GAS7: variants seen among roughly 807,000 people sequenced by gnomAD.
GAS7 encodes growth arrest-specific protein 7.
GAS7 carries 28 observed loss-of-function variants against 71.1 expected under a neutral mutation model. The observed-to-expected ratio is 0.39, with a 90% confidence interval of 0.29 to 0.54. GAS7 has a LOEUF of 0.54. GAS7 is among the 20% of genes least tolerant of loss of function. The probability of loss-of-function intolerance (pLI) is 0.62; values close to 1 mark genes in which losing one functional copy is unlikely to be tolerated. For synonymous variants in GAS7, 258 were observed against 245.8 expected, an observed-to-expected ratio of 1.05 and a Z score of -0.46; for missense variants, 436 against 627.8, an observed-to-expected ratio of 0.69 and a Z score of 3.27.
intron 1 of GAS7, among the ~76,000 whole-genome samples, chr17:10,069,575 AG>A (rs2073318970): frequency 6.6e-6 from 1 of 152,238 alleles, no homozygotes. Flanking sequence ...TATGCCTTAG[AG>A]ACGCAAAGCG....
rs1021632665 is a variant in GAS7, at chr17:10,017,165, T to A, written c.304+2612A>T. 2.4e-4 allele frequency among the ~76,000 whole-genome samples: 34 copies of A among 143,548 alleles called. No homozygotes were observed. The South Asian group carries it at 2.9e-3, about 12-fold the overall frequency. The allele number at this position is 143,548 out of a possible 152,430, so 94.2% of individuals were successfully genotyped here. On this transcript the variant is annotated intron_variant, in intron 2 of 13. Coordinates refer to ENST00000432992, the MANE Select transcript of GAS7 (RefSeq NM_201433.2). ...ATAAATAAATAAATAAATAAATAAA[T>A]AAATAAATAAATAAAGAGAGGAAGG...
At chr17:10,097,808 C>T (rs2073657823) in intron 1 of GAS7, among the ~76,000 whole-genome samples, 1 of 152,070 alleles carries the variant, frequency 6.6e-6, no homozygotes, top group South Asian at 2.1e-4. Context: ...CTTTGGGAGG[C>T]CGAGGCGGGC....
Position 10,138,956 on chromosome 17 carries a change from G to A in GAS7, c.183+59252C>T, listed in dbSNP as rs144328664. On this transcript the variant is annotated intron_variant, in intron 1 of 13. Coordinates refer to ENST00000432992, the MANE Select transcript of GAS7 (RefSeq NM_201433.2). The stretch of plus-strand genomic sequence containing the variant: ...AATGAAAAAAATATATGATCATCTT[G>A]AGAGATGCTGACAAGACATCATTTG... Among the ~76,000 whole-genome samples the A allele has an allele frequency of 1.1e-4, 16 of 152,208 alleles. 1 individual carries two copies. The highest frequency in any genetic ancestry group is 3.1e-4 in the African/African-American group (13 of 41,512).
At chr17:10,013,113 A>G (rs1216288636) in intron 2 of GAS7, among the ~76,000 whole-genome samples, 1 of 151,710 alleles carries the variant, frequency 6.6e-6, no homozygotes, top group East Asian at 1.9e-4. Flanking sequence ...AAAAAAAAAA[A>G]AAAAAAAATT....
intron 1 of GAS7, chr17:10,036,822 C>A (rs2072763150): frequency 2.5e-6 from 2 of 806,700 alleles, no homozygotes; most frequent in South Asian, 8.0e-5. Context: ...GAGGTCACAA[C>A]AAACAATGGC....
chr17:9,942,023 C>T (rs747584560), intron 7 of GAS7, among the ~76,000 whole-genome samples: 5 of 152,130 alleles, frequency 3.3e-5, no homozygotes, highest in Admixed American at 6.5e-5. Context: ...GAGGCTGAGG[C>T]GGGCAGATTA....
chr17:10,031,044 G>A (rs1217150200), intron 1 of GAS7, among the ~76,000 whole-genome samples: 1 of 152,234 alleles, frequency 6.6e-6, no homozygotes, highest in African/African-American at 2.4e-5. Context: ...CACTGTGGCT[G>A]TCACTGGCAC....
At chr17:10,069,449 T>G (rs144983514) in intron 1 of GAS7, among the ~76,000 whole-genome samples, 167 of 152,340 alleles carry the variant, frequency 1.1e-3, no homozygotes, top group African/African-American at 3.5e-3. Context: ...CAGTATTTCA[T>G]GCCAATAAAC....
At position 10,046,735 on chromosome 17, in the gene GAS7, C is replaced by CAA. The variant is rs1178498141; in HGVS notation, c.184-26840_184-26839dup. 6.6e-3 allele frequency among the ~76,000 whole-genome samples: 160 copies of CAA among 24,216 alleles called. 4 individuals carry two copies. Among genetic ancestry groups the CAA allele is most frequent in the African/African-American group, 0.025 (113 of 4,572 alleles). The allele number at this position is 24,216 out of a possible 152,430, so 15.9% of individuals were successfully genotyped here. On this transcript the variant is annotated intron_variant, in intron 1 of 13. Coordinates refer to ENST00000432992, the MANE Select transcript of GAS7 (RefSeq NM_201433.2). ...TGGGTGACAGAGCAAGACTCTGTCT[C>CAA]AAAAAAAAAAAAAGAAAAGAAAAGA...
chr17:10,017,128 CTAAAAAAATAAATAAATAAATAAA>C (rs913049767), intron 2 of GAS7, among the ~76,000 whole-genome samples: 26 of 133,660 alleles, frequency 1.9e-4, no homozygotes, highest in African/African-American at 6.8e-4. Context: ...GAGACCCTGT[CTAAAAAAATAAATAAATAAATAAA>C]TAAATAAATA....
chr17:10,027,721 C>T lies in GAS7; in HGVS notation c.184-7824G>A, dbSNP rs961895971. 3.3e-5 allele frequency among the ~76,000 whole-genome samples: 5 copies of T among 152,214 alleles called. 1 individual carries two copies. The highest frequency in any genetic ancestry group is 1.2e-4 in the African/African-American group (5 of 41,446). ...CACCTTGATCTTGGAACTTCCCAGT[C>T]TCCAGAACTGTGAGGAAGTCCTGTT... is the stretch of plus-strand genomic sequence containing the variant. On this transcript the variant is annotated intron_variant, in intron 1 of 13. Coordinates refer to ENST00000432992, the MANE Select transcript of GAS7 (RefSeq NM_201433.2).
chr17:9,951,714 G>A (rs1370969123), intron 5 of GAS7, among the ~76,000 whole-genome samples: 3 of 129,394 alleles, frequency 2.3e-5, no homozygotes, highest in Admixed American at 2.0e-4. Flanking sequence ...CCAAGATTGC[G>A]CCATTGCATC....
intron 1 of GAS7, among the ~76,000 whole-genome samples, chr17:10,120,911 C>T (rs900722082): frequency 4.3e-4 from 65 of 152,200 alleles, no homozygotes; most frequent in African/African-American, 1.5e-3. Flanking sequence ...TCACCATTTC[C>T]TTCCTTCACA....
intron 1 of GAS7, among the ~76,000 whole-genome samples, chr17:10,036,265 G>A (rs2072748702): frequency 1.3e-5 from 2 of 150,892 alleles, no homozygotes; most frequent in Non-Finnish European, 2.9e-5. Flanking sequence ...TTGGATCTGT[G>A]AAAGGTGCCC....
intron 10 of GAS7, 142 bp from the exon 11 acceptor site, chr17:9,925,741 A>G (rs746944776): frequency 8.0e-5 from 68 of 852,910 alleles, no homozygotes; most frequent in Non-Finnish European, 1.2e-4. Context: ...GAGGCCCAGC[A>G]GCCAGAGTGG....
At chr17:10,050,287 G>A (rs1351244628) in intron 1 of GAS7, among the ~76,000 whole-genome samples, 2 of 152,010 alleles carry the variant, frequency 1.3e-5, no homozygotes, top group African/African-American at 2.4e-5. Context: ...GGTGGGGTGG[G>A]GGGGCTTTAT....
At chr17:10,167,411 C>T (rs1419280199) in intron 1 of GAS7, among the ~76,000 whole-genome samples, 1 of 152,084 alleles carries the variant, frequency 6.6e-6, no homozygotes, top group East Asian at 1.9e-4. Flanking sequence ...TTTCTCATAG[C>T]TAGAGTAGGA....
intron 1 of GAS7, among the ~76,000 whole-genome samples, chr17:10,172,429 C>A (rs955163891): frequency 1.3e-5 from 2 of 152,066 alleles, no homozygotes; most frequent in Non-Finnish European, 2.9e-5. Flanking sequence ...TCAACTTTGC[C>A]CCCAGGCCAG....
At chr17:10,132,933 C>T (rs1402870021) in intron 1 of GAS7, among the ~76,000 whole-genome samples, 4 of 151,908 alleles carry the variant, frequency 2.6e-5, no homozygotes, top group African/African-American at 9.7e-5. Context: ...ACATCCCTTT[C>T]CTTCTTTTCA....
Sources: gnomAD v4.1 joint callset for allele counts (sites outside exome capture counted in the v4.1 genomes callset) on GRCh38, gnomAD v4.1.1 for gene constraint, MANE v1.5 for transcripts, NCBI Gene and HGNC (gene_info 2026-07-23, HGNC 2026-07-21) for gene names.